The following RGS22 variants were observed in gnomAD, a reference collection of about 807,000 sequenced individuals.
RGS22 encodes the protein regulator of G-protein signaling 22.
A neutral mutation model predicts 172.9 loss-of-function variants in RGS22; 148 were observed. The ratio of observed to expected loss-of-function variants is 0.86; its 90% confidence interval spans 0.75 to 0.98. The LOEUF (loss-of-function observed/expected upper bound fraction) is 0.98. Ranked by LOEUF, RGS22 falls within the 50% of genes least tolerant of loss-of-function variation. RGS22 has a pLI of 0.00. For synonymous variants in RGS22, 458 were observed against 480.2 expected (o/e 0.95, Z 0.60); for missense variants, 1,347 against 1,440.8 (o/e 0.93, Z 1.05).
chr8:99,989,530 T>C (rs1011278913), intron 20 of RGS22, among the ~76,000 whole-genome samples: 3 of 152,172 alleles, frequency 2.0e-5, no homozygotes, highest in African/African-American at 7.2e-5. Context: ...ACAGTTATGA[T>C]TAAAATGCAG....
chr8:99,996,612 T>G, intron 19 of RGS22, 82 bp from the exon 20 acceptor site: 1 of 1,149,512 alleles, frequency 8.7e-7, no homozygotes, highest in Non-Finnish European at 1.3e-6. Flanking sequence ...GCTAAAAAAA[T>G]GAGATAAAGG....
intron 16 of RGS22, 42 bp downstream of exon 16, chr8:100,005,975 C>G: frequency 6.7e-7 from 1 of 1,491,862 alleles, no homozygotes; most frequent in Non-Finnish European, 9.3e-7. Context: ...TAACCCTCTC[C>G]AGGATAAAAA....
rs1810320371 is a variant in RGS22 at position 100,063,656 on chromosome 8, T to G, written c.1112A>C (p.Gln371Pro). Residue 371 changes from glutamine (Q) to proline (P), a missense_variant, in exon 8 of 28, where the codon CAA becomes CCA. Physicochemically the swap from Gln to Pro is moderately conservative, Grantham distance 76 (BLOSUM62 -1). Coordinates refer to ENST00000360863, the MANE Select transcript of RGS22 (RefSeq NM_015668.5). ...CTCTTCTGACCTCTCCTTTGTAGTT[T>G]GAACTAATTCACTTAAAAAATTCTT... ...HGKNFLSELVQTTKERSEEIE... is the reference protein window; with the variant it reads ...HGKNFLSELVPTTKERSEEIE... 6.2e-7 allele frequency: 1 copy of G among 1,614,114 alleles called. No homozygotes were observed. Among genetic ancestry groups the G allele is most frequent in the African/African-American group, 1.3e-5 (1 of 75,064 alleles).
At chr8:100,066,338 G>GTAT (rs761808911) in intron 6 of RGS22, 42 bp from the exon 7 acceptor site, 1 of 1,533,418 alleles carries the variant, frequency 6.5e-7, no homozygotes, top group East Asian at 2.3e-5. Context: ...ATGATTAGCA[G>GTAT]TATTACTCTG....
Position 100,063,908 on chromosome 8 carries a change from G to T in RGS22, c.860C>A (p.Ser287Tyr). Residue 287 changes from serine (S) to tyrosine (Y), a missense_variant, in exon 8 of 28, where the codon TCT (serine) becomes TAT (tyrosine). Ser to Tyr is a moderately radical substitution (Grantham distance 144). Coordinates refer to ENST00000360863, the MANE Select transcript of RGS22 (RefSeq NM_015668.5). ...AAGGTATACTCTCAGAAGAGCTTGA[G>T]AAGGAGTGTCTTGTAGAGATACAGA... ...EVSVSLQDTP[S>Y]QALLRVYLEK... 1 of 1,608,496 alleles carries T rather than the reference G, an allele frequency of 6.2e-7. No homozygotes were observed. The highest frequency in any genetic ancestry group is 8.5e-7 in the Non-Finnish European group (1 of 1,177,378).
intron 22 of RGS22, among the ~76,000 whole-genome samples, chr8:99,979,177 G>A (rs907068237): frequency 6.6e-6 from 1 of 152,164 alleles, no homozygotes; most frequent in East Asian, 1.9e-4. Flanking sequence ...AATGTTAAGG[G>A]ATCATGGCAG....
chr8:100,018,989 C>CA (rs5893504), intron 14 of RGS22, among the ~76,000 whole-genome samples: 133,074 of 147,038 alleles, frequency 0.91, 60,286 homozygotes, highest in South Asian at 0.97. Flanking sequence ...ATGTCAAAAG[C>CA]AAAAAAAAAA....
At chr8:100,038,362 G>C (rs1819725460) in intron 14 of RGS22, among the ~76,000 whole-genome samples, 1 of 150,350 alleles carries the variant, frequency 6.7e-6, no homozygotes, top group African/African-American at 2.5e-5. Flanking sequence ...CCTCTATTTG[G>C]CTTCAGGGTG....
chr8:99,998,540 C>T (rs1195142088), intron 19 of RGS22, among the ~76,000 whole-genome samples: 1 of 152,084 alleles, frequency 6.6e-6, no homozygotes, highest in African/African-American at 2.4e-5. Context: ...TTGTGAATAG[C>T]CACTGCACTC....
At chr8:100,105,545 T>C (rs1437847812) in intron 1 of RGS22, 143 bp from the exon 2 acceptor site, 1 of 708,606 alleles carries the variant, frequency 1.4e-6, no homozygotes, top group African/African-American at 1.8e-5. Flanking sequence ...TCTCTGTACA[T>C]GGCTTGCATT....
At chr8:99,977,705 G>T (rs985548586) in intron 23 of RGS22, among the ~76,000 whole-genome samples, 1 of 152,138 alleles carries the variant, frequency 6.6e-6, no homozygotes, top group East Asian at 1.9e-4. Flanking sequence ...GCCACAGAGA[G>T]TCAAGGAAGT....
intron 6 of RGS22, among the ~76,000 whole-genome samples, chr8:100,068,079 T>C (rs190066388): frequency 8.0e-4 from 122 of 152,228 alleles, no homozygotes; most frequent in Middle Eastern, 3.4e-3. Context: ...TCAAAAGCTA[T>C]TGAAAAATGG....
chr8:100,019,211 T>C (rs972236986), intron 14 of RGS22, among the ~76,000 whole-genome samples: 5 of 152,236 alleles, frequency 3.3e-5, no homozygotes, highest in Non-Finnish European at 7.3e-5. Flanking sequence ...TTGACACTTA[T>C]CTGCGTTCCA....
chr8:100,027,938 T>C (rs1428204243), intron 14 of RGS22, among the ~76,000 whole-genome samples: 4 of 152,222 alleles, frequency 2.6e-5, no homozygotes, highest in Middle Eastern at 3.2e-3. Context: ...TGCTCTGTAC[T>C]ATATGACAAA....
chr8:100,062,821 T>C (rs2131786202), intron 8 of RGS22, 69 bp from the exon 9 acceptor site: 2 of 1,254,202 alleles, frequency 1.6e-6, no homozygotes. Flanking sequence ...AAAATGTAGT[T>C]GAATATTCAG....
rs551987276 is a variant in RGS22, at chr8:99,975,969, C to T, written c.3519+1948G>A. The stretch of plus-strand genomic sequence containing the variant: ...CTTTGGGAGGCTGAGGTGGGCGGAT[C>T]ACTGGAGGTCAAGAGTTCGCGACCA... On this transcript the variant is annotated intron_variant, in intron 23 of 27. Coordinates refer to ENST00000360863, the MANE Select transcript of RGS22 (RefSeq NM_015668.5). 2.6e-5 allele frequency among the ~76,000 whole-genome samples: 4 copies of T among 152,210 alleles called. No individual in the cohort carries two copies. The South Asian group carries it at 8.3e-4, about 32-fold the overall frequency.
chr8:99,968,447 G>A (rs776420238), intron 23 of RGS22, among the ~76,000 whole-genome samples: 38 of 151,912 alleles, frequency 2.5e-4, no homozygotes, highest in Non-Finnish European at 5.1e-4. Flanking sequence ...AGCTAAAGGA[G>A]GATCTTCTAA....
chr8:100,028,064 T>C (rs1818369939), intron 14 of RGS22, among the ~76,000 whole-genome samples: 1 of 152,132 alleles, frequency 6.6e-6, no homozygotes, highest in Admixed American at 6.6e-5. Flanking sequence ...TTCATAGACC[T>C]TGGTAGATGT....
At chr8:100,074,408 C>T (rs1811194064) in intron 4 of RGS22, among the ~76,000 whole-genome samples, 1 of 152,206 alleles carries the variant, frequency 6.6e-6, no homozygotes, top group African/African-American at 2.4e-5. Flanking sequence ...TCCAAATGTC[C>T]TCATGCCACT....
Sources: allele counts gnomAD v4.1 joint callset (sites outside exome capture counted in the v4.1 genomes callset), GRCh38; gene constraint gnomAD v4.1.1; transcripts MANE v1.5; gene names NCBI Gene and HGNC (gene_info 2026-07-23, HGNC 2026-07-21).